Variants in TAFA2 observed in about 807,000 individuals in gnomAD.
The protein encoded by TAFA2 is chemokine-like protein TAFA-2.
Under a neutral mutation model 18.8 loss-of-function variants are expected in TAFA2, and 7 were observed. The observed-to-expected ratio is 0.37, with a 90% CI of 0.21 to 0.70. The LOEUF is 0.70. Ranked by LOEUF, TAFA2 falls within the 30% of genes least tolerant of loss-of-function variation. TAFA2 has a pLI of 0.53. For missense variants in TAFA2, 122 were observed against 158.1 expected, an observed-to-expected ratio of 0.77 and a Z score of 1.23; for synonymous variants, 60 against 54.2, an observed-to-expected ratio of 1.11 and a Z score of -0.47.
At chr12:61,897,148 C>T (rs1454078324) in intron 1 of TAFA2, among the ~76,000 whole-genome samples, 2 of 152,158 alleles carry the variant, frequency 1.3e-5, no homozygotes, top group Non-Finnish European at 2.9e-5. Flanking sequence ...TCTTGAAAGA[C>T]AAACCCCTTG....
At chr12:61,839,567 G>T (rs190684212) in intron 2 of TAFA2, among the ~76,000 whole-genome samples, 6 of 152,214 alleles carry the variant, frequency 3.9e-5, no homozygotes, top group Non-Finnish European at 5.9e-5. Flanking sequence ...ATACTAGGCA[G>T]CCTGAAAATA....
At chr12:61,877,703 T>C (rs1400171711) in intron 1 of TAFA2, among the ~76,000 whole-genome samples, 1 of 152,066 alleles carries the variant, frequency 6.6e-6, no homozygotes, top group African/African-American at 2.4e-5. Context: ...ACATCAGATA[T>C]AATACTACAC....
chr12:61,801,906 T>A (rs1195244242), intron 2 of TAFA2, among the ~76,000 whole-genome samples: 1 of 151,802 alleles, frequency 6.6e-6, no homozygotes, highest in Non-Finnish European at 1.5e-5. Flanking sequence ...CTCAAACAAC[T>A]CTACAACAAC....
At chr12:62,038,465 T>C (rs1207730861) in intron 1 of TAFA2, among the ~76,000 whole-genome samples, 4 of 152,152 alleles carry the variant, frequency 2.6e-5, no homozygotes, top group African/African-American at 9.7e-5. Context: ...ACTATGTACA[T>C]AGCATTTACA....
rs191631484 is a variant in TAFA2 at position 62,138,337 on chromosome 12, A to G, written c.-2+52922T>C. On this transcript the variant is annotated intron_variant, in intron 1 of 4. Transcript: ENST00000416284. ...ACCAACTAATACCCCAATGTTCCTTATTCTCCTACCCTTCTTTATTTTTTC... is the reference window on the plus strand; with the variant it reads ...ACCAACTAATACCCCAATGTTCCTTGTTCTCCTACCCTTCTTTATTTTTTC... Among the ~76,000 whole-genome samples, 564 of 152,236 alleles carry G rather than the reference A, an allele frequency of 3.7e-3. 4 individuals are homozygous for G. Among genetic ancestry groups the G allele is most frequent in the African/African-American group, 0.013 (536 of 41,550 alleles).
chr12:61,756,484 C>A (rs567771703), intron 2 of TAFA2, among the ~76,000 whole-genome samples: 1 of 152,136 alleles, frequency 6.6e-6, no homozygotes, highest in African/African-American at 2.4e-5. Context: ...TAATATTCTG[C>A]CTTCTCTACA....
chr12:61,981,877 T>C (rs1322949530), intron 1 of TAFA2, among the ~76,000 whole-genome samples: 1 of 151,878 alleles, frequency 6.6e-6, no homozygotes. Context: ...TGGAAGAGAG[T>C]GTGGCTATTC....
chr12:61,947,527 C>G (rs1878319782), intron 1 of TAFA2, among the ~76,000 whole-genome samples: 1 of 152,060 alleles, frequency 6.6e-6, no homozygotes, highest in Non-Finnish European at 1.5e-5. Context: ...AAGCTTCTCA[C>G]AAAACCTGAA....
intron 4 of TAFA2, among the ~76,000 whole-genome samples, chr12:61,726,196 T>C (rs1282832788): frequency 6.6e-6 from 1 of 151,800 alleles, no homozygotes; most frequent in Non-Finnish European, 1.5e-5. Context: ...TTTTTCTATA[T>C]GTTTTATCTC....
chr12:62,220,191 C>T (rs1249464355), intron 1 of TAFA2, among the ~76,000 whole-genome samples: 1 of 151,538 alleles, frequency 6.6e-6, no homozygotes, highest in Non-Finnish European at 1.5e-5. Context: ...ACAATAAACT[C>T]AAAGGAAAAA....
intron 2 of TAFA2, among the ~76,000 whole-genome samples, chr12:61,836,727 A>G (rs1270046604): frequency 4.0e-5 from 5 of 125,496 alleles, no homozygotes; most frequent in African/African-American, 1.6e-4. Context: ...AATTGTTGCC[A>G]ATTTGATATA....
intron 1 of TAFA2, among the ~76,000 whole-genome samples, chr12:61,986,158 CTTTTTTTT>C (rs551223452): frequency 3.0e-5 from 2 of 65,838 alleles, no homozygotes; most frequent in African/African-American, 1.3e-4. Context: ...CTAAGCTCTT[CTTTTTTTT>C]TTTTTTTTTT....
At chr12:62,198,503 C>A (rs553125147) in intron 1 of TAFA2, 1 of 152,254 alleles carries the variant, frequency 6.6e-6, no homozygotes, top group Non-Finnish European at 1.5e-5. Context: ...CTGCAAGATA[C>A]GGTATTATAA....
intron 1 of TAFA2, among the ~76,000 whole-genome samples, chr12:62,065,766 TC>T (rs1882469815): frequency 6.6e-6 from 1 of 151,290 alleles, no homozygotes; most frequent in South Asian, 2.1e-4. Context: ...AAAACTGAGT[TC>T]TGTACATATA....
intron 1 of TAFA2, among the ~76,000 whole-genome samples, chr12:62,190,857 C>T (rs940752567): frequency 2.0e-5 from 3 of 152,166 alleles, no homozygotes; most frequent in Admixed American, 2.0e-4. Context: ...CGACCCCCAA[C>T]TCCTTATTAA....
In TAFA2 at chr12:62,182,008, T is replaced by C. The variant is rs1159198632; in HGVS notation, c.-2+9251A>G. 5.9e-5 allele frequency among the ~76,000 whole-genome samples: 8 copies of C among 136,222 alleles called. No homozygotes were observed. The South Asian group carries it at 1.9e-3, about 33-fold the overall frequency. The allele number at this position is 136,222 out of a possible 152,430, so 89.4% of individuals were successfully genotyped here. A position where few individuals can be genotyped will look rare whatever the true frequency, so the allele number is the denominator to read the frequency against. On this transcript the variant is annotated intron_variant, in intron 1 of 4. Transcript: ENST00000416284. ...AAGTCCATCCCCCCCCCGCTACACA[T>C]AGTAGCTACTCAAGTAGAACAAAAA...
intron 1 of TAFA2, among the ~76,000 whole-genome samples, chr12:61,980,012 A>G (rs939172834): frequency 2.0e-5 from 3 of 152,174 alleles, no homozygotes; most frequent in African/African-American, 7.2e-5. Context: ...GATATAAGCT[A>G]ATGCTTATTC....
At chr12:62,215,671 T>C (rs973001573) in intron 1 of TAFA2, among the ~76,000 whole-genome samples, 1 of 147,426 alleles carries the variant, frequency 6.8e-6, no homozygotes, top group African/African-American at 2.5e-5. Flanking sequence ...TTTTCTTGCT[T>C]AAGAGGAAGA....
intron 1 of TAFA2, among the ~76,000 whole-genome samples, chr12:62,133,670 G>A (rs761783621): frequency 2.6e-5 from 4 of 151,960 alleles, no homozygotes; most frequent in Non-Finnish European, 4.4e-5. Flanking sequence ...CATGACTCAG[G>A]GAAAAGAGCA....
Sources: allele counts gnomAD v4.1 joint callset (sites outside exome capture counted in the v4.1 genomes callset), GRCh38; gene constraint gnomAD v4.1.1; transcripts MANE v1.5; gene names NCBI Gene and HGNC (gene_info 2026-07-23, HGNC 2026-07-21).